The following SYTL3 variants were observed in gnomAD, a reference collection of about 807,000 sequenced individuals.
The protein encoded by SYTL3 is synaptotagmin like 3, also known as synaptotagmin-like protein 3.
Under a neutral mutation model 82.1 loss-of-function variants are expected in SYTL3, and 88 were observed. The observed-to-expected ratio is 1.07, with a 90% CI of 0.90 to 1.28. The LOEUF is 1.28. SYTL3 is among the 50% of genes most tolerant of loss of function. The pLI is 0.00. For missense variants in SYTL3, 831 were observed against 757.6 expected, an observed-to-expected ratio of 1.10 and a Z score of -1.14; for synonymous variants, 311 against 289.4, an observed-to-expected ratio of 1.07 and a Z score of -0.76.
chr6:158,686,804 C>T lies in SYTL3; in HGVS notation c.394+3815C>T, dbSNP rs185673264. 5.4e-3 allele frequency among the ~76,000 whole-genome samples: 823 copies of T among 152,240 alleles called. 4 individuals carry two copies. The highest frequency in any genetic ancestry group is 0.018 in the South Asian group (86 of 4,822). On this transcript the variant is annotated intron_variant, in intron 6 of 17. Transcript: ENST00000611299. ...GCTAGCAGCTGCAGGAGGCAGACACCCTCCGACCCTGTTGAGCTGATGCTG... is the reference window on the plus strand; with the variant it reads ...GCTAGCAGCTGCAGGAGGCAGACACTCTCCGACCCTGTTGAGCTGATGCTG...
intron 13 of SYTL3, among the ~76,000 whole-genome samples, chr6:158,754,831 C>T (rs1005491400): frequency 2.6e-5 from 4 of 152,338 alleles, no homozygotes; most frequent in Admixed American, 2.0e-4. Flanking sequence ...GGCTGAGCGT[C>T]GCCCACACAC....
chr6:158,702,759 G>A (rs1468733286), intron 6 of SYTL3, among the ~76,000 whole-genome samples: 1 of 151,184 alleles, frequency 6.6e-6, no homozygotes, highest in Admixed American at 6.6e-5. Flanking sequence ...CTGACTTCCT[G>A]CAGGCTTTTT....
chr6:158,673,540 C>T (rs573009418), intron 5 of SYTL3, among the ~76,000 whole-genome samples: 10 of 150,912 alleles, frequency 6.6e-5, no homozygotes, highest in Non-Finnish European at 1.0e-4. Flanking sequence ...CCCAGGTTCA[C>T]GCCATTCTCC....
At chr6:158,658,086 G>A (rs1583130815) in intron 2 of SYTL3, among the ~76,000 whole-genome samples, 1 of 152,126 alleles carries the variant, frequency 6.6e-6, no homozygotes, top group African/African-American at 2.4e-5. Context: ...TAGAGACGGG[G>A]TTTCACTGTG....
In SYTL3 at chr6:158,763,414, C is replaced by T; in HGVS notation, c.1628C>T (p.Ala543Val). The change falls in exon 17 of 18, where the codon GCT (alanine) becomes GTT (valine). Residue 543 changes from alanine to valine, a missense_variant. Ala to Val is a moderately conservative substitution (Grantham distance 64). Transcript: ENST00000611299. ...TTTGTCTTCAGTGGCGTAACCCCAG[C>T]TCAGCTGAGGCAGTCAAGCTTGGAG... is the stretch of plus-strand genomic sequence containing the variant. ...HSFVFSGVTP[A>V]QLRQSSLELT... 2 of 1,614,218 alleles carry T rather than the reference C, an allele frequency of 1.2e-6. No homozygotes were observed. Among genetic ancestry groups the T allele is most frequent in the Non-Finnish European group, 1.7e-6 (2 of 1,180,018 alleles).
At chr6:158,754,912 G>C (rs150273849) in intron 13 of SYTL3, among the ~76,000 whole-genome samples, 1 of 152,208 alleles carries the variant, frequency 6.6e-6, no homozygotes, top group Non-Finnish European at 1.5e-5. Context: ...TCTAGTAACC[G>C]CTTCATTTCT....
upstream of SYTL3, among the ~76,000 whole-genome samples, chr6:158,649,410 T>C (rs73797069): frequency 0.046 from 7,052 of 152,300 alleles, 377 homozygotes; most frequent in African/African-American, 0.13. Flanking sequence ...GGAAAGAGAA[T>C]GAATGGTGGC....
upstream of SYTL3, among the ~76,000 whole-genome samples, chr6:158,648,956 G>T (rs1056291302): frequency 6.6e-6 from 1 of 152,218 alleles, no homozygotes; most frequent in African/African-American, 2.4e-5. Flanking sequence ...AGGCACAGTT[G>T]TGCTGAAATA....
At chr6:158,693,844 C>CTTTTACTTT (rs763990639) in intron 6 of SYTL3, among the ~76,000 whole-genome samples, 665 of 55,474 alleles carry the variant, frequency 0.012, 29 homozygotes, top group South Asian at 0.024. Flanking sequence ...TCCAGCCTTT[C>CTTTTACTTT]TTTTTCTTTT....
chr6:158,739,407 T>C (rs1286036051), intron 11 of SYTL3, among the ~76,000 whole-genome samples: 1 of 152,216 alleles, frequency 6.6e-6, no homozygotes, highest in Admixed American at 6.5e-5. Flanking sequence ...GTATAGTTTT[T>C]TTAAAAAATA....
intron 5 of SYTL3, among the ~76,000 whole-genome samples, chr6:158,675,791 CA>C: frequency 6.6e-6 from 1 of 152,210 alleles, no homozygotes; most frequent in Non-Finnish European, 1.5e-5. Flanking sequence ...ACTAAAAATA[CA>C]AAAATAAATT....
At chr6:158,689,303 T>A (rs865855587) in intron 6 of SYTL3, among the ~76,000 whole-genome samples, 1 of 151,534 alleles carries the variant, frequency 6.6e-6, no homozygotes, top group Middle Eastern at 3.2e-3. Flanking sequence ...TAGATAACTT[T>A]ATCAGTTTGG....
At chr6:158,756,976 G>A (rs759519248) in intron 13 of SYTL3, among the ~76,000 whole-genome samples, 1 of 151,348 alleles carries the variant, frequency 6.6e-6, no homozygotes, top group Non-Finnish European at 1.5e-5. Context: ...GGAGTAGGGG[G>A]AGGGGTTCTT....
chr6:158,656,072 C>A (rs1562338645), intron 2 of SYTL3, among the ~76,000 whole-genome samples: 1 of 152,138 alleles, frequency 6.6e-6, no homozygotes. Flanking sequence ...GATGCCTGTG[C>A]TTTAGAATGT....
chr6:158,679,292 C>G (rs1778390193), intron 5 of SYTL3, among the ~76,000 whole-genome samples: 1 of 151,948 alleles, frequency 6.6e-6, no homozygotes, highest in Admixed American at 6.6e-5. Context: ...ATCACTTGAA[C>G]CTGGGAGGTT....
chr6:158,695,331 T>C (rs1780443848), intron 6 of SYTL3, among the ~76,000 whole-genome samples: 1 of 152,226 alleles, frequency 6.6e-6, no homozygotes, highest in African/African-American at 2.4e-5. Context: ...GTGAAGTAAT[T>C]GAACTGAAGG....
chr6:158,657,140 T>C (rs566680905), intron 2 of SYTL3, among the ~76,000 whole-genome samples: 1 of 151,988 alleles, frequency 6.6e-6, no homozygotes, highest in East Asian at 1.9e-4. Context: ...AAACCCTTAG[T>C]AGTGGCCGGG....
chr6:158,677,545 TA>T (rs71542927), intron 5 of SYTL3, among the ~76,000 whole-genome samples: 4,095 of 146,882 alleles, frequency 0.028, 146 homozygotes, highest in African/African-American at 0.083. Flanking sequence ...AAACTTATAA[TA>T]AAAAAAAAAT....
intron 5 of SYTL3, 84 bp downstream of exon 5, chr6:158,665,697 C>G: frequency 1.0e-6 from 1 of 993,182 alleles, no homozygotes; most frequent in East Asian, 2.7e-5. Context: ...AAAGAGAGCA[C>G]TCACTCCTCA....
Sources: gnomAD v4.1 joint callset for allele counts (sites outside exome capture counted in the v4.1 genomes callset) on GRCh38, gnomAD v4.1.1 for gene constraint, MANE v1.5 for transcripts, NCBI Gene and HGNC (gene_info 2026-07-23, HGNC 2026-07-21) for gene names.